CCN5: variants seen among roughly 807,000 people sequenced by gnomAD.
The protein encoded by CCN5 is cellular communication network factor 5, also known as CCN family member 5.
Under a neutral mutation model 18.7 loss-of-function variants are expected in CCN5, and 17 were observed. The observed-to-expected ratio is 0.91, with a 90% CI of 0.62 to 1.36. The LOEUF is 1.36. Ranked by LOEUF, CCN5 falls within the 40% of genes most tolerant of loss-of-function variation. The pLI is 0.00. For missense variants in CCN5, 367 were observed against 342.9 expected (o/e 1.07, Z -0.56); for synonymous variants, 135 against 145.2 (o/e 0.93, Z 0.50).
intron 2 of CCN5, among the ~76,000 whole-genome samples, chr20:44,723,266 G>T (rs2065912582): frequency 6.6e-6 from 1 of 151,364 alleles, no homozygotes; most frequent in Non-Finnish European, 1.5e-5. Context: ...TGAGCTAGGG[G>T]ACTTACAGCA....
chr20:44,726,610 G>A (rs910766416), intron 3 of CCN5, among the ~76,000 whole-genome samples: 1 of 152,118 alleles, frequency 6.6e-6, no homozygotes, highest in African/African-American at 2.4e-5. Context: ...TCTAGTGTAA[G>A]ACTAGAAGGA....
chr20:44,715,248 TGTGTGTGTGTGTGAGC>T (rs1263561134), upstream of CCN5: 128 of 552,532 alleles, frequency 2.3e-4, 2 homozygotes, highest in African/African-American at 2.8e-4. Flanking sequence ...TGTGTGTGTG[TGTGTGTGTGTGTGAGC>T]GCGCGCGCGC....
chr20:44,719,822 G>A, intron 1 of CCN5, 75 bp from the exon 2 acceptor site: 2 of 1,474,802 alleles, frequency 1.4e-6, no homozygotes, highest in African/African-American at 1.4e-5. Context: ...CAGCCTGGCA[G>A]AGAAGTGGCT....
chr20:44,726,452 G>A (rs73286424), intron 3 of CCN5, among the ~76,000 whole-genome samples: 4 of 152,076 alleles, frequency 2.6e-5, no homozygotes, highest in Non-Finnish European at 4.4e-5. Context: ...TGTTGGGGGG[G>A]TTTTCCTGTG....
intron 2 of CCN5, among the ~76,000 whole-genome samples, chr20:44,722,232 C>T (rs1261518669): frequency 6.6e-6 from 1 of 152,184 alleles, no homozygotes; most frequent in East Asian, 1.9e-4. Flanking sequence ...AGGGAACATA[C>T]TGCCAAAAAC....
upstream of CCN5, chr20:44,715,260 TGAGCGCGCGCGCGCGCGC>T (rs2065849590): frequency 3.7e-5 from 7 of 190,958 alleles, no homozygotes; most frequent in South Asian, 2.9e-4. Context: ...TGTGTGTGTG[TGAGCGCGCGCGCGCGCGC>T]GCGTGTGTAC....
intron 1 of CCN5, among the ~76,000 whole-genome samples, chr20:44,719,121 C>T (rs1344058038): frequency 6.6e-6 from 1 of 152,150 alleles, no homozygotes; most frequent in African/African-American, 2.4e-5. Context: ...TTGCTTTTGC[C>T]TTTCTGTAAG....
intron 2 of CCN5, among the ~76,000 whole-genome samples, chr20:44,722,366 C>G (rs540609395): frequency 2.1e-4 from 32 of 152,340 alleles, no homozygotes; most frequent in Non-Finnish European, 3.5e-4. Flanking sequence ...CTTCCGCCCC[C>G]CAGAACGGCC....
intron 1 of CCN5, among the ~76,000 whole-genome samples, chr20:44,717,332 C>T (rs541006722): frequency 2.6e-5 from 4 of 152,308 alleles, no homozygotes; most frequent in South Asian, 4.1e-4. Context: ...AATAGCCTCT[C>T]CTGGGTATCG....
intron 1 of CCN5, among the ~76,000 whole-genome samples, chr20:44,719,547 G>A (rs761187458): frequency 6.6e-6 from 1 of 152,174 alleles, no homozygotes; most frequent in African/African-American, 2.4e-5. Flanking sequence ...CCAGCTACTC[G>A]GGAGGCTGAG....
At chr20:44,715,955 C>A (rs1447118312) in intron 1 of CCN5, among the ~76,000 whole-genome samples, 1 of 152,208 alleles carries the variant, frequency 6.6e-6, no homozygotes, top group Non-Finnish European at 1.5e-5. Context: ...ACAGGAGACA[C>A]CTCTGTGGAG....
chr20:44,724,523 C>T, intron 2 of CCN5: 1 of 667,014 alleles, frequency 1.5e-6, no homozygotes, highest in Non-Finnish European at 2.4e-6. Context: ...GGGGGTCAAT[C>T]CAGGCCTGTC....
chr20:44,719,913 G>A lies in CCN5; in HGVS notation c.77G>A (p.Cys26Tyr). ...TCTCTTCAGGTGCGTACCCAGCTGT[G>A]CCCGACACCATGTACCTGCCCCTGG... The part of the protein sequence containing the change: ...CLLSKVRTQL[C>Y]PTPCTCPWPP... Residue 26 changes from cysteine (C) to tyrosine (Y), a missense_variant, in exon 2 of 4, where the codon TGC becomes TAC. Physicochemically the swap from Cys to Tyr is radical, Grantham distance 194. Transcript: ENST00000190983. The A allele has an allele frequency of 6.2e-7, 1 of 1,613,566 alleles. No individual in the cohort carries two copies. Among genetic ancestry groups the A allele is most frequent in the Non-Finnish European group, 8.5e-7 (1 of 1,179,908 alleles).
At position 44,724,795 on chromosome 20, in the gene CCN5, C is replaced by A. The variant is rs1223823878; in HGVS notation, c.335C>A (p.Thr112Asn). 6 of 1,612,610 alleles carry A rather than the reference C, an allele frequency of 3.7e-6. No homozygotes were observed. The East Asian group carries it at 1.3e-4, about 36-fold the overall frequency. Reference protein sequence around the residue: ...VNGRLYREGETFQPHCSIRCR... With the variant: ...VNGRLYREGENFQPHCSIRCR... ...GGCCGCCTGTATCGGGAAGGGGAGA[C>A]CTTCCAGCCCCACTGCAGCATCCGC... is the stretch of plus-strand genomic sequence containing the variant. Residue 112 changes from threonine (T) to asparagine (N), a missense_variant, in exon 3 of 4, where the codon ACC (threonine) becomes AAC (asparagine). Coordinates refer to ENST00000190983, the MANE Select transcript of CCN5 (RefSeq NM_003881.4).
intron 1 of CCN5, 50 bp downstream of exon 1, chr20:44,715,500 G>T: frequency 6.4e-7 from 1 of 1,551,914 alleles, no homozygotes; most frequent in African/African-American, 1.4e-5. Context: ...TGGGTGTGGA[G>T]GGGGTGGGGA....
chr20:44,723,005 C>A (rs1254573823), intron 2 of CCN5, among the ~76,000 whole-genome samples: 1 of 152,132 alleles, frequency 6.6e-6, no homozygotes, highest in Non-Finnish European at 1.5e-5. Flanking sequence ...CCCTCCTCTG[C>A]CCCAAGCCTT....
At chr20:44,715,574 C>G in intron 1 of CCN5, 124 bp downstream of exon 1, 3 of 1,073,012 alleles carry the variant, frequency 2.8e-6, no homozygotes, top group Non-Finnish European at 4.1e-6. Context: ...TGGGCACAGT[C>G]TGGCCCCCAT....
rs557849998 is a variant in CCN5 at position 44,715,812 on chromosome 20, A to G, written c.60+362A>G. On this transcript the variant is annotated intron_variant, in intron 1 of 3. Transcript: ENST00000190983. ...CATTATGAATGGGGGCACTCAAGAC[A>G]TGACATGCTTGGCCTAACTCTGAGC... 1.4e-3 allele frequency among the ~76,000 whole-genome samples: 214 copies of G among 152,360 alleles called. 1 individual carries two copies. Among genetic ancestry groups the G allele is most frequent in the African/African-American group, 5.1e-3 (211 of 41,594 alleles).
intron 2 of CCN5, chr20:44,723,883 G>A (rs2065917182): frequency 6.6e-6 from 1 of 152,280 alleles, no homozygotes; most frequent in African/African-American, 2.4e-5. Context: ...GCTTATGCCA[G>A]CTATTCACTG....
Sources: gnomAD v4.1 joint callset for allele counts (sites outside exome capture counted in the v4.1 genomes callset) on GRCh38, gnomAD v4.1.1 for gene constraint, MANE v1.5 for transcripts, NCBI Gene and HGNC (gene_info 2026-07-23, HGNC 2026-07-21) for gene names.